PRDM2: variants seen among roughly 807,000 people sequenced by gnomAD.
PRDM2 encodes the protein PR/SET domain 2.
In PRDM2, 30 loss-of-function variants were observed where a neutral mutation model predicts 130.0. The ratio of observed to expected loss-of-function variants is 0.23; its 90% CI spans 0.17 to 0.31. The LOEUF is 0.31. Ranked by LOEUF, PRDM2 falls within the 10% of genes least tolerant of loss-of-function variation. The pLI is 1.00. For missense variants in PRDM2, 2,011 were observed against 2,108.4 expected (o/e 0.95, Z 0.90); for synonymous variants, 871 against 782.4 (o/e 1.11, Z -1.89).
intron 5 of PRDM2, among the ~76,000 whole-genome samples, chr1:13,743,008 A>G (rs894580584): frequency 6.6e-6 from 1 of 152,202 alleles, no homozygotes; most frequent in African/African-American, 2.4e-5. Context: ...TATGGAGCAC[A>G]TTCAGGGACA....
chr1:13,768,311 C>T (rs1644279320), intron 6 of PRDM2, among the ~76,000 whole-genome samples: 2 of 151,914 alleles, frequency 1.3e-5, no homozygotes, highest in South Asian at 4.2e-4. Flanking sequence ...TCTCGATCTC[C>T]TGACCTCGTG....
At chr1:13,787,489 A>G (rs1489688171) in intron 8 of PRDM2, 2 of 985,240 alleles carry the variant, frequency 2.0e-6, no homozygotes, top group Non-Finnish European at 2.4e-6. Context: ...CAACTTCAAA[A>G]GTAATCTACC....
intron 8 of PRDM2, among the ~76,000 whole-genome samples, chr1:13,815,121 A>G (rs574418407): frequency 2.0e-5 from 3 of 152,028 alleles, no homozygotes; most frequent in Non-Finnish European, 2.9e-5. Context: ...TTATTTATTT[A>G]TTTGAGATGG....
chr1:13,720,566 A>G (rs1325908370), intron 2 of PRDM2, among the ~76,000 whole-genome samples: 1 of 152,166 alleles, frequency 6.6e-6, no homozygotes, highest in African/African-American at 2.4e-5. Flanking sequence ...AATAAATACA[A>G]ATAATGAAAC....
At chr1:13,796,304 T>C (rs1280725109) in intron 8 of PRDM2, among the ~76,000 whole-genome samples, 1 of 152,214 alleles carries the variant, frequency 6.6e-6, no homozygotes, top group Admixed American at 6.5e-5. Context: ...GATATGCTTC[T>C]GTTAATTGTG....
Position 13,803,700 on chromosome 1 carries a change from G to T in PRDM2, c.5037-12727G>T, listed in dbSNP as rs895861992. 5.3e-5 allele frequency among the ~76,000 whole-genome samples: 8 copies of T among 152,184 alleles called. No individual in the cohort carries two copies. On this transcript the variant is annotated intron_variant, in intron 8 of 9. Coordinates refer to ENST00000311066, the MANE Select transcript of PRDM2 (RefSeq NM_001393986.1). This position sits in a 1 kb window ranked among gnomAD's most constrained non-coding sequence, Gnocchi z 6.2. ...GCAAAAGAGGCAGCCACAGCCGGGG[G>T]CTTTCCCCGCGGGCAGGTTCTCCGG...
At chr1:13,774,838 G>A (rs752394824) in intron 7 of PRDM2, among the ~76,000 whole-genome samples, 5 of 152,128 alleles carry the variant, frequency 3.3e-5, no homozygotes, top group African/African-American at 1.2e-4. Flanking sequence ...TTAGCCAGGC[G>A]TGGTGGTGGG....
intron 2 of PRDM2, among the ~76,000 whole-genome samples, chr1:13,727,720 C>A (rs1323646417): frequency 2.0e-5 from 3 of 152,150 alleles, no homozygotes; most frequent in African/African-American, 7.2e-5. Flanking sequence ...TAGAACATTG[C>A]CTGGCCTGTA....
At position 13,700,194 on chromosome 1, in the gene PRDM2, G is replaced by T; in HGVS notation, c.-172G>T. ...TGCCTCGCCGCCCGACGTCACTTCC[G>T]ACTGGAGTCAAGATGGCGGCGGCGC... On this transcript the variant is annotated 5_prime_UTR_variant, in exon 1 of 10. Coordinates refer to ENST00000311066, the MANE Select transcript of PRDM2 (RefSeq NM_001393986.1). The T allele has an allele frequency of 6.5e-6, 1 of 153,022 alleles. No individual in the cohort carries two copies. The highest frequency in any genetic ancestry group is 1.8e-4 in the South Asian group (1 of 5,546). 9.5% of individuals were successfully genotyped at this position (153,022 alleles called of 1,614,324 possible). A position where few individuals can be genotyped will look rare whatever the true frequency, so the allele number is the denominator to read the frequency against.
chr1:13,791,297 T>C (rs552301705), intron 8 of PRDM2, among the ~76,000 whole-genome samples: 3 of 152,184 alleles, frequency 2.0e-5, no homozygotes, highest in Non-Finnish European at 4.4e-5. Context: ...TTGCTTTTAG[T>C]TTCCCTCTCA....
rs1189128915 is a variant in PRDM2, at chr1:13,792,463, T to A, written c.5036+9632T>A. On this transcript the variant is annotated intron_variant, in intron 8 of 9. Transcript: ENST00000311066. ...AATGAAGTTATTTAAAACTCATGGA[T>A]TCAATTTTCCTTGCGGTAACATTCT... is the stretch of plus-strand genomic sequence containing the variant. Among the ~76,000 whole-genome samples, 6 of 152,372 alleles carry A rather than the reference T, an allele frequency of 3.9e-5. No individual in the cohort carries two copies. The South Asian group carries it at 1.2e-3, about 32-fold the overall frequency.
At position 13,816,422 on chromosome 1, in the gene PRDM2, C is replaced by A; in HGVS notation, c.5037-5C>A. The A allele has an allele frequency of 6.2e-7, 1 of 1,614,014 alleles. No homozygotes were observed. ...ACAATGTGTGTTGTTCCTCTTCCTGCACAGCTACAGCCTCCGCTTGGCGTC... is the reference window on the plus strand; with the variant it reads ...ACAATGTGTGTTGTTCCTCTTCCTGAACAGCTACAGCCTCCGCTTGGCGTC... On this transcript the variant is annotated splice_region_variant and splice_polypyrimidine_tract_variant and intron_variant, in intron 8 of 9. Transcript: ENST00000311066.
chr1:13,780,356 A>C lies in PRDM2; in HGVS notation c.2561A>C (p.Lys854Thr). 1 of 1,614,188 alleles carries C rather than the reference A, an allele frequency of 6.2e-7. No homozygotes were observed. Among genetic ancestry groups the C allele is most frequent in the Non-Finnish European group, 8.5e-7 (1 of 1,180,032 alleles). The change falls in exon 8 of 10, where the codon AAA becomes ACA. Residue 854 changes from lysine to threonine, a missense_variant. This residue lies in a region of PRDM2 where 1,288 missense variants were observed against 1,237.7 expected (regional missense o/e 1.04). Transcript: ENST00000311066. ...WESVLDLSVH[K>T]KHCSDSEGKE... ...TCTGTCTTAGATCTCAGTGTGCATA[A>C]AAAGCATTGTAGTGACTCTGAAGGC...
chr1:13,778,509 A>G lies in PRDM2; in HGVS notation c.714A>G (p.Glu238=), dbSNP rs1275853053. The stretch of plus-strand genomic sequence containing the variant: ...TGGCCAGTCAGGAGGTGCCTCCAGA[A>G]CTAGCAACCCCTGCCCCTGCCTGGG... The part of the protein sequence containing the change: ...QEVASQEVPP[E]LATPAPAWEP... Residue 238 remains glutamate, a synonymous_variant, in exon 8 of 10, where the codon GAA becomes GAG. Coordinates refer to ENST00000311066, the MANE Select transcript of PRDM2 (RefSeq NM_001393986.1). The G allele has an allele frequency of 1.5e-5, 24 of 1,614,224 alleles. No individual in the cohort carries two copies. Among genetic ancestry groups the G allele is most frequent in the Non-Finnish European group, 2.0e-5 (24 of 1,180,040 alleles).
intron 9 of PRDM2, among the ~76,000 whole-genome samples, chr1:13,817,501 C>A (rs1645276293): frequency 6.6e-6 from 1 of 151,668 alleles, no homozygotes. Context: ...CTTGGCCCTC[C>A]CTGTTGGTGA....
chr1:13,805,559 C>G (rs1002260183), intron 8 of PRDM2, among the ~76,000 whole-genome samples: 1 of 152,164 alleles, frequency 6.6e-6, no homozygotes, highest in Non-Finnish European at 1.5e-5. Context: ...CCTCACCCAG[C>G]CCCCAGGGAA....
chr1:13,798,528 G>A (rs1644957532), intron 8 of PRDM2, among the ~76,000 whole-genome samples: 1 of 152,124 alleles, frequency 6.6e-6, no homozygotes, highest in African/African-American at 2.4e-5. Flanking sequence ...TTAATTCAAA[G>A]GTACTGGTGG....
At chr1:13,777,396 C>T (rs550205453) in intron 7 of PRDM2, among the ~76,000 whole-genome samples, 125 of 151,636 alleles carry the variant, frequency 8.2e-4, no homozygotes, top group Non-Finnish European at 1.6e-3. Context: ...TATATATTTC[C>T]GTTAGATCTT....
chr1:13,765,401 G>A (rs1319016902), intron 6 of PRDM2, among the ~76,000 whole-genome samples: 1 of 152,090 alleles, frequency 6.6e-6, no homozygotes, highest in Admixed American at 6.5e-5. Context: ...AGGCACATAT[G>A]CAGCAGAGCT....
Sources: allele counts gnomAD v4.1 joint callset (sites outside exome capture counted in the v4.1 genomes callset), GRCh38; gene constraint gnomAD v4.1.1; regional missense constraint gnomAD v4.1.1; non-coding constraint Gnocchi (gnomAD v3.1); transcripts MANE v1.5; gene names NCBI Gene and HGNC (gene_info 2026-07-23, HGNC 2026-07-21).